The following TBPL1 variants were observed in gnomAD, a reference collection of about 807,000 sequenced individuals.
TBPL1 encodes the protein TATA-box binding protein like 1.
Under a neutral mutation model 22.1 loss-of-function variants are expected in TBPL1, and 4 were observed. The observed-to-expected ratio is 0.18, with a 90% confidence interval of 0.09 to 0.41. The LOEUF is 0.41. TBPL1 is among the 10% of genes least tolerant of loss of function. The probability of loss-of-function intolerance (pLI) is 1.00; values close to 1 mark genes in which losing one functional copy is unlikely to be tolerated. For synonymous variants in TBPL1, 64 were observed against 71.0 expected (o/e 0.90, Z 0.50); for missense variants, 115 against 222.3 (o/e 0.52, Z 3.07).
intron 1 of TBPL1, among the ~76,000 whole-genome samples, chr6:133,963,605 C>T (rs539268160): frequency 5.3e-5 from 8 of 152,070 alleles, no homozygotes; most frequent in Non-Finnish European, 8.8e-5. Context: ...ATTTTTTTGT[C>T]GAGACAGAGT....
In TBPL1 at chr6:133,964,397, C is replaced by A. The variant is rs78587929; in HGVS notation, c.-45+10972C>A. 2.2e-3 allele frequency among the ~76,000 whole-genome samples: 333 copies of A among 150,450 alleles called. 9 individuals are homozygous for A. In the East Asian group the frequency reaches 0.048, roughly 21 times the overall value. On this transcript the variant is annotated intron_variant, in intron 1 of 6. Coordinates refer to ENST00000237264, the MANE Select transcript of TBPL1 (RefSeq NM_004865.4). Reference sequence around the variant, plus strand: ...GTATATTTTGTACTGTTTTTTAAACCAGAAATGTTTGAACTGTTTGTTTTT... The same window carrying A: ...GTATATTTTGTACTGTTTTTTAAACAAGAAATGTTTGAACTGTTTGTTTTT...
intron 2 of TBPL1, among the ~76,000 whole-genome samples, chr6:133,981,511 A>G (rs1216978837): frequency 6.6e-6 from 1 of 152,222 alleles, no homozygotes; most frequent in Non-Finnish European, 1.5e-5. Flanking sequence ...CTGAGTTGAT[A>G]GACAAGCTGG....
intron 1 of TBPL1, among the ~76,000 whole-genome samples, chr6:133,974,118 A>G (rs550650245): frequency 8.8e-4 from 134 of 152,236 alleles, no homozygotes; most frequent in Non-Finnish European, 2.9e-4. Flanking sequence ...GCCAAAATGA[A>G]CTCATAATTA....
rs374209280 is a variant in TBPL1, at chr6:133,977,675, T to G, written c.-44-2407T>G. Among the ~76,000 whole-genome samples, 22 of 152,360 alleles carry G rather than the reference T, an allele frequency of 1.4e-4. 2 individuals are homozygous for G. The highest frequency in any genetic ancestry group is 5.3e-4 in the African/African-American group (22 of 41,580). ...TGCAACAGTTAGGATTAGGTTTGGC[T>G]GTATATCACAGAAATCCAACATGAG... On this transcript the variant is annotated intron_variant, in intron 1 of 6. Transcript: ENST00000237264.
At chr6:133,974,772 T>C (rs764404645) in intron 1 of TBPL1, among the ~76,000 whole-genome samples, 1 of 152,246 alleles carries the variant, frequency 6.6e-6, no homozygotes, top group African/African-American at 2.4e-5. Context: ...ACTCACACTT[T>C]CAACATCGTT....
intron 1 of TBPL1, among the ~76,000 whole-genome samples, chr6:133,970,756 A>G (rs1012067504): frequency 1.3e-5 from 2 of 152,108 alleles, no homozygotes; most frequent in African/African-American, 4.8e-5. Context: ...ATGCACCACC[A>G]TACCTGGCTA....
rs1776470420 is a variant in TBPL1 at position 133,984,365 on chromosome 6, C to G, written c.283-11C>G. ...AAAATAAATTTATTGAATTTTACTT[C>G]TCTCCTAAAGGTAATATTTACAGAT... On this transcript the variant is annotated splice_polypyrimidine_tract_variant and intron_variant, in intron 4 of 6. Transcript: ENST00000237264. 4 of 1,565,208 alleles carry G rather than the reference C, an allele frequency of 2.6e-6. No individual in the cohort carries two copies. Among genetic ancestry groups the G allele is most frequent in the Admixed American group, 1.8e-5 (1 of 54,410 alleles).
Position 133,964,443 on chromosome 6 carries a change from T to G in TBPL1, c.-45+11018T>G, listed in dbSNP as rs543310726. Reference sequence around the variant, plus strand: ...TTTTTTTTGTTTTGTTTTGTTTTTTTGGGTTTTTTGGGTTTTTTTTTTTTT... The same window carrying G: ...TTTTTTTTGTTTTGTTTTGTTTTTTGGGGTTTTTTGGGTTTTTTTTTTTTT... On this transcript the variant is annotated intron_variant, in intron 1 of 6. Transcript: ENST00000237264. Among the ~76,000 whole-genome samples the G allele has an allele frequency of 3.3e-5, 5 of 151,396 alleles. No individual in the cohort carries two copies. In the South Asian group the frequency reaches 6.3e-4, roughly 19 times the overall value.
chr6:133,958,310 G>A (rs1342951091), intron 1 of TBPL1, among the ~76,000 whole-genome samples: 1 of 152,218 alleles, frequency 6.6e-6, no homozygotes, highest in Non-Finnish European at 1.5e-5. Flanking sequence ...AACCTTAGTT[G>A]ATGGTAAACT....
intron 1 of TBPL1, among the ~76,000 whole-genome samples, chr6:133,962,077 C>T (rs76062569): frequency 0.015 from 2,253 of 152,184 alleles, 34 homozygotes; most frequent in Middle Eastern, 0.037. Context: ...ATTTAGGCAG[C>T]TATAAAACCG....
At chr6:133,958,718 G>A (rs1775967800) in intron 1 of TBPL1, among the ~76,000 whole-genome samples, 3 of 152,090 alleles carry the variant, frequency 2.0e-5, no homozygotes, top group Admixed American at 1.3e-4. Context: ...TAATAACCAG[G>A]TCTTAGTTTT....
At position 133,987,619 on chromosome 6, in the gene TBPL1, G is replaced by A. The variant is rs1776551835; in HGVS notation, c.*579G>A. On this transcript the variant is annotated 3_prime_UTR_variant, in exon 7 of 7. Coordinates refer to ENST00000237264, the MANE Select transcript of TBPL1 (RefSeq NM_004865.4). ...AAGTGTGTTGGCTTCTTTTTGAAGT[G>A]TATTTTGTGTGTGTGTGTGTGTGTG... 6 of 130,624 alleles carry A rather than the reference G, an allele frequency of 4.6e-5. No individual in the cohort carries two copies. The highest frequency in any genetic ancestry group is 4.0e-4 in the Admixed American group (5 of 12,440). The allele number at this position is 130,624 out of a possible 1,614,324, so 8.1% of individuals were successfully genotyped here.
At chr6:133,966,184 G>T (rs1345416145) in intron 1 of TBPL1, among the ~76,000 whole-genome samples, 1 of 152,136 alleles carries the variant, frequency 6.6e-6, no homozygotes, top group Admixed American at 6.5e-5. Context: ...AAACTCTGCA[G>T]ACATTTTATT....
chr6:133,984,243 C>T, intron 4 of TBPL1, 133 bp from the exon 5 acceptor site: 1 of 614,572 alleles, frequency 1.6e-6, no homozygotes, highest in Non-Finnish European at 2.8e-6. Context: ...ACACAACTTA[C>T]AGTACTAAAC....
chr6:133,958,351 G>C (rs916299270), intron 1 of TBPL1, among the ~76,000 whole-genome samples: 1 of 152,218 alleles, frequency 6.6e-6, no homozygotes, highest in Non-Finnish European at 1.5e-5. Context: ...GTAAAGCCAT[G>C]TGTTGTGAGC....
chr6:133,966,962 T>G (rs1024298308), intron 1 of TBPL1, among the ~76,000 whole-genome samples: 6 of 152,228 alleles, frequency 3.9e-5, no homozygotes, highest in Admixed American at 2.6e-4. Context: ...TTCTTGCTTC[T>G]TTTTTAGCTA....
rs1275796411 is a variant in TBPL1 at position 133,989,631 on chromosome 6, T to C, written c.*2591T>C. On this transcript the variant is annotated 3_prime_UTR_variant, in exon 7 of 7. Transcript: ENST00000237264. ...ATCTCCTTTCCTTTTAGCTTCCCCC[T>C]GCCAATTTTTATACAGATAATACAC... 6.6e-6 allele frequency: 1 copy of C among 152,182 alleles called. No individual in the cohort carries two copies. Among genetic ancestry groups the C allele is most frequent in the Admixed American group, 6.5e-5 (1 of 15,284 alleles). 9.4% of individuals were successfully genotyped at this position (152,182 alleles called of 1,614,324 possible).
At position 133,984,439 on chromosome 6, in the gene TBPL1, C is replaced by T. The variant is rs1320763164; in HGVS notation, c.346C>T (p.Arg116Cys). 12 of 1,613,444 alleles carry T rather than the reference C, an allele frequency of 7.4e-6. No individual in the cohort carries two copies. The highest frequency in any genetic ancestry group is 2.7e-5 in the African/African-American group (2 of 74,838). The change falls in exon 5 of 7, where the codon CGT becomes TGT. Residue 116 changes from arginine to cysteine, a missense_variant. Physicochemically the swap from Arg to Cys is radical, Grantham distance 180 (BLOSUM62 -3). Coordinates refer to ENST00000237264, the MANE Select transcript of TBPL1 (RefSeq NM_004865.4). ...AGTGTGTAACATGCCATTTGAAATC[C>T]GTTTGCCAGAATTCACAAAGAACAA... Reference protein sequence around the residue: ...LAVCNMPFEIRLPEFTKNNRP... With the variant: ...LAVCNMPFEICLPEFTKNNRP...
chr6:133,963,739 G>A (rs561381957), intron 1 of TBPL1, among the ~76,000 whole-genome samples: 70 of 151,744 alleles, frequency 4.6e-4, no homozygotes, highest in Non-Finnish European at 8.1e-4. Context: ...TTTCTTGATC[G>A]TTAAGAACCG....
Sources: allele counts gnomAD v4.1 joint callset (sites outside exome capture counted in the v4.1 genomes callset), GRCh38; gene constraint gnomAD v4.1.1; transcripts MANE v1.5; gene names NCBI Gene and HGNC (gene_info 2026-07-23, HGNC 2026-07-21).